The following NUAK1 variants were observed in gnomAD, a reference collection of about 807,000 sequenced individuals.
NUAK1 encodes NUAK family SNF1-like kinase 1.
NUAK1 carries 26 observed loss-of-function variants against 56.9 expected under a neutral mutation model. The observed-to-expected ratio is 0.46, with a 90% CI of 0.33 to 0.63. NUAK1 has a LOEUF of 0.63. NUAK1 is among the 30% of genes least tolerant of loss of function. The pLI, the probability that NUAK1 is intolerant of heterozygous loss-of-function variation, is 0.02. For missense variants in NUAK1, 727 were observed against 876.1 expected (o/e 0.83, Z 2.15); for synonymous variants, 337 against 336.0 (o/e 1.00, Z -0.03).
At position 106,065,789 on chromosome 12, in the gene NUAK1, T is replaced by G. The variant is rs538304519; in HGVS notation, c.*1013A>C. On this transcript the variant is annotated 3_prime_UTR_variant, in exon 7 of 7. Transcript: ENST00000261402. ...CCAAGAGGCAGCATTCCAGTTAATATTGAGAAAGAAAGTGACAAGTTGCCT... is the reference window on the plus strand; with the variant it reads ...CCAAGAGGCAGCATTCCAGTTAATAGTGAGAAAGAAAGTGACAAGTTGCCT... 6 of 152,776 alleles carry G rather than the reference T, an allele frequency of 3.9e-5. No homozygotes were observed. The highest frequency in any genetic ancestry group is 1.2e-4 in the African/African-American group (5 of 41,574). 9.5% of individuals were successfully genotyped at this position (152,776 alleles called of 1,614,324 possible). A position where few individuals can be genotyped will look rare whatever the true frequency, so the allele number is the denominator to read the frequency against.
chr12:106,066,874 G>A lies in NUAK1; in HGVS notation c.1914C>T (p.Ser638=), dbSNP rs1441056796. 6.2e-7 allele frequency: 1 copy of A among 1,614,240 alleles called. No homozygotes were observed. Among genetic ancestry groups the A allele is most frequent in the East Asian group, 2.2e-5 (1 of 44,882 alleles). The part of the protein sequence containing the change: ...YRNRLADSSF[S]LLTDMDDVTQ... ...TCACATCATCCATGTCTGTGAGGAG[G>A]GAGAAGCTGCTGTCTGCCAGCCGGT... Residue 638 remains serine, a synonymous_variant, in exon 7 of 7, where the codon TCC becomes TCT. Transcript: ENST00000261402.
Position 106,070,926 on chromosome 12 carries a change from C to T in NUAK1, c.700-20G>A, listed in dbSNP as rs763608369. The T allele has an allele frequency of 1.2e-6, 2 of 1,613,714 alleles. No homozygotes were observed. The highest frequency in any genetic ancestry group is 8.5e-7 in the Non-Finnish European group (1 of 1,179,742). ...GTCCACCTGGAGCAGAGAGACAGCA[C>T]ATATAGGAGAGCTGGGAAACAGATC... On this transcript the variant is annotated intron_variant, in intron 5 of 6. Coordinates refer to ENST00000261402, the MANE Select transcript of NUAK1 (RefSeq NM_014840.3).
chr12:106,083,972 G>A (rs748904507), intron 3 of NUAK1, 43 bp from the exon 4 acceptor site: 4 of 1,532,124 alleles, frequency 2.6e-6, no homozygotes, highest in Middle Eastern at 1.7e-4. Flanking sequence ...GGAGCGGCTG[G>A]GATGAGAACA....
chr12:106,083,789 C>G lies in NUAK1; in HGVS notation c.579+75G>C, dbSNP rs932664472. On this transcript the variant is annotated intron_variant, in intron 4 of 6. Transcript: ENST00000261402. ...TGGCTGCCTTATTTCCAGGCTGCGG[C>G]TTGGAGCAGGTTAAGCCTCCATCCG... is the stretch of plus-strand genomic sequence containing the variant. 68 of 1,326,314 alleles carry G rather than the reference C, an allele frequency of 5.1e-5. No individual in the cohort carries two copies. In the South Asian group the frequency reaches 8.0e-4, roughly 16 times the overall value. 82.2% of individuals were successfully genotyped at this position (1,326,314 alleles called of 1,614,324 possible). A position where few individuals can be genotyped will look rare whatever the true frequency, so the allele number is the denominator to read the frequency against.
chr12:106,128,134 CTTT>C (rs1399268734), intron 1 of NUAK1, among the ~76,000 whole-genome samples: 2 of 136,652 alleles, frequency 1.5e-5, no homozygotes, highest in Admixed American at 7.3e-5. Flanking sequence ...TTTTCTTTTT[CTTT>C]TTTTTTTTTT....
chr12:106,083,806 C>T, intron 4 of NUAK1, 58 bp downstream of exon 4: 5 of 1,495,978 alleles, frequency 3.3e-6, no homozygotes, highest in Non-Finnish European at 4.7e-6. Context: ...CAGGTTAAGC[C>T]TCCATCCGGC....
chr12:106,113,414 G>C lies in NUAK1; in HGVS notation c.241-6889C>G, dbSNP rs1357996224. ...ACTATCTGTCCAAGGGTGGTGAGCA[G>C]ATCACCTGCCTCCGATCCCCTGGTT... On this transcript the variant is annotated intron_variant, in intron 1 of 6. Transcript: ENST00000261402. Among the ~76,000 whole-genome samples, 7 of 152,106 alleles carry C rather than the reference G, an allele frequency of 4.6e-5. No homozygotes were observed. In the East Asian group the frequency reaches 1.4e-3, roughly 29 times the overall value.
At chr12:106,100,232 C>T (rs183366188) in intron 2 of NUAK1, among the ~76,000 whole-genome samples, 1 of 151,706 alleles carries the variant, frequency 6.6e-6, no homozygotes, top group Non-Finnish European at 1.5e-5. Context: ...AGTTTCCCAC[C>T]ATTCCTGAAA....
In NUAK1 at chr12:106,084,795, G is replaced by A. The variant is rs370065795; in HGVS notation, c.514-866C>T. ...TGGGCATGGGAAGAGCAGTGGGCCC[G>A]AAAGAACTGGCTATTTTGGGGTGAG... On this transcript the variant is annotated intron_variant, in intron 3 of 6. Transcript: ENST00000261402. Among the ~76,000 whole-genome samples the A allele has an allele frequency of 1.1e-4, 17 of 152,198 alleles. No homozygotes were observed. The East Asian group carries it at 1.9e-3, about 17-fold the overall frequency.
intron 1 of NUAK1, among the ~76,000 whole-genome samples, chr12:106,135,840 G>A (rs887097960): frequency 1.3e-5 from 2 of 152,186 alleles, no homozygotes; most frequent in Admixed American, 6.5e-5. Flanking sequence ...TATTTTAGAT[G>A]AAAATGTCTT....
At chr12:106,123,815 G>A (rs984054855) in intron 1 of NUAK1, among the ~76,000 whole-genome samples, 2 of 152,130 alleles carry the variant, frequency 1.3e-5, no homozygotes, top group South Asian at 2.1e-4. Flanking sequence ...TTTCCTCCCC[G>A]TCATTCTGCT....
chr12:106,109,549 G>C (rs931341603), intron 1 of NUAK1, among the ~76,000 whole-genome samples: 1 of 107,712 alleles, frequency 9.3e-6, no homozygotes, highest in Non-Finnish European at 1.8e-5. Context: ...TTTAAGGGTT[G>C]TTAAGGAAAA....
In NUAK1 at chr12:106,067,915, G is replaced by A. The variant is rs368879158; in HGVS notation, c.873C>T (p.Pro291=). 5.5e-5 allele frequency: 88 copies of A among 1,613,100 alleles called. 1 individual carries two copies. The highest frequency in any genetic ancestry group is 1.9e-4 in the South Asian group (17 of 90,946). ...GLIRWMLMVN[P]DRRATIEDIA... ...TGTCCTCAATAGTGGCCCGGCGATC[G>A]GGGTTCACCATCAGCATCCACCGTA... The change falls in exon 7 of 7, where the codon CCC becomes CCT. Residue 291 remains proline (P), a synonymous_variant. Transcript: ENST00000261402. The surrounding 1 kb of genome is among the most constrained non-coding windows in gnomAD (Gnocchi z 6.0).
intron 1 of NUAK1, among the ~76,000 whole-genome samples, chr12:106,124,299 T>C (rs567020387): frequency 6.6e-6 from 1 of 152,320 alleles, no homozygotes; most frequent in South Asian, 2.1e-4. Flanking sequence ...AATGGGATTT[T>C]TTCCTGGAAA....
chr12:106,085,697 T>C (rs938512653), intron 3 of NUAK1, among the ~76,000 whole-genome samples: 9 of 152,256 alleles, frequency 5.9e-5, no homozygotes, highest in Non-Finnish European at 1.3e-4. Context: ...ACTGTGGCTA[T>C]ATTATTATTG....
In NUAK1 at chr12:106,063,894, G is replaced by A. The variant is rs1378041917; in HGVS notation, c.*2908C>T. The A allele has an allele frequency of 2.0e-5, 3 of 152,590 alleles. No homozygotes were observed. Among genetic ancestry groups the A allele is most frequent in the African/African-American group, 7.2e-5 (3 of 41,432 alleles). The allele number at this position is 152,590 out of a possible 1,614,324, so 9.5% of individuals were successfully genotyped here. A position where few individuals can be genotyped will look rare whatever the true frequency, so the allele number is the denominator to read the frequency against. On this transcript the variant is annotated 3_prime_UTR_variant, in exon 7 of 7. Transcript: ENST00000261402. ...CCATCATCTGAAGAAGCAGCACCTG[G>A]TAACAGGCATGGCCATTCAGAGGGT...
chr12:106,112,343 G>A (rs992515976), intron 1 of NUAK1, among the ~76,000 whole-genome samples: 1 of 152,112 alleles, frequency 6.6e-6, no homozygotes, highest in Non-Finnish European at 1.5e-5. Context: ...CCTGCAGCAG[G>A]AGCAGGCAGC....
rs1479896871 is a variant in NUAK1, at chr12:106,066,970, G to A, written c.1818C>T (p.Asn606=). The A allele has an allele frequency of 6.2e-7, 1 of 1,614,230 alleles. No individual in the cohort carries two copies. The highest frequency in any genetic ancestry group is 1.3e-5 in the African/African-American group (1 of 75,060). The change falls in exon 7 of 7, where the codon AAC becomes AAT. Residue 606 remains asparagine, a synonymous_variant. Transcript: ENST00000261402. The stretch of plus-strand genomic sequence containing the variant: ...CCTCAAAGTCCTGGATCTGGAGGAA[G>A]TTTTCTGCAGAGACGCAGCTGCGGA... ...QRIRSCVSAE[N]FLQIQDFEGL...
intron 1 of NUAK1, among the ~76,000 whole-genome samples, chr12:106,119,859 C>T (rs1469567193): frequency 6.6e-6 from 1 of 152,114 alleles, no homozygotes; most frequent in Non-Finnish European, 1.5e-5. Flanking sequence ...TTTTCACTAC[C>T]TTCAAGGAAC....
Sources: gnomAD v4.1 joint callset for allele counts (sites outside exome capture counted in the v4.1 genomes callset) on GRCh38, gnomAD v4.1.1 for gene constraint, Gnocchi (gnomAD v3.1) non-coding constraint, MANE v1.5 for transcripts, NCBI Gene and HGNC (gene_info 2026-07-23, HGNC 2026-07-21) for gene names.